Variants in POFUT2 observed in about 807,000 individuals in gnomAD.
POFUT2 encodes GDP-fucose protein O-fucosyltransferase 2.
In POFUT2, 30 loss-of-function variants were observed where a neutral mutation model predicts 55.0. That is an observed-to-expected ratio of 0.55 (90% confidence interval 0.41 to 0.74). The LOEUF (loss-of-function observed/expected upper bound fraction) is 0.74. POFUT2 is among the 30% of genes least tolerant of loss of function. The probability of loss-of-function intolerance (pLI) is 0.00; values close to 1 mark genes in which losing one functional copy is unlikely to be tolerated. For synonymous variants in POFUT2, 267 were observed against 231.1 expected (o/e 1.16, Z -1.41); for missense variants, 524 against 562.6 (o/e 0.93, Z 0.69).
rs573190352 is a variant in POFUT2, at chr21:45,281,242, C to T, written c.638+1107G>A. On this transcript the variant is annotated intron_variant, in intron 4 of 8. Coordinates refer to ENST00000349485, the MANE Select transcript of POFUT2 (RefSeq NM_133635.6). This position sits in a 1 kb window ranked among gnomAD's most constrained non-coding sequence, Gnocchi z 5.0. ...CCCTCTGGGCTCAGCTCCATTCTAA[C>T]CTGTAAATGTGAGTCAAAAAAACTG... Among the ~76,000 whole-genome samples, 1 of 152,342 alleles carries T rather than the reference C, an allele frequency of 6.6e-6. No individual in the cohort carries two copies. Among genetic ancestry groups the T allele is most frequent in the Admixed American group, 6.5e-5 (1 of 15,308 alleles).
rs9984151 is a variant in POFUT2, at chr21:45,284,173, C to T, written c.383-646G>A. ...AGGAACAAAGCGGGAGGGAGCACCG[C>T]GCAGGTGAAATTCTGGGGCAGGAAC... On this transcript the variant is annotated intron_variant, in intron 2 of 8. Transcript: ENST00000349485. This position sits in a 1 kb window ranked among gnomAD's most constrained non-coding sequence, Gnocchi z 5.8. Among the ~76,000 whole-genome samples the T allele has an allele frequency of 2.0e-5, 3 of 151,132 alleles. No individual in the cohort carries two copies. The highest frequency in any genetic ancestry group is 3.0e-5 in the Non-Finnish European group (2 of 67,656).
intron 6 of POFUT2, among the ~76,000 whole-genome samples, chr21:45,272,880 C>T (rs2146586560): frequency 6.6e-6 from 1 of 151,766 alleles, no homozygotes; most frequent in South Asian, 2.1e-4. Flanking sequence ...TTATCAAAAC[C>T]CCTGGGACAC....
chr21:45,271,460 G>A (rs1366820203), intron 6 of POFUT2, among the ~76,000 whole-genome samples: 2 of 152,180 alleles, frequency 1.3e-5, no homozygotes, highest in Non-Finnish European at 2.9e-5. Context: ...TAATCTAAAA[G>A]TTTGGAAAAC....
intron 1 of POFUT2, among the ~76,000 whole-genome samples, chr21:45,287,148 GC>G (rs1187821601): frequency 9.0e-6 from 1 of 111,422 alleles, no homozygotes; most frequent in African/African-American, 3.6e-5. Flanking sequence ...GCCCGACCCT[GC>G]CCCCAGCCCC....
Position 45,277,522 on chromosome 21 carries a change from G to C in POFUT2, c.706-380C>G. On this transcript the variant is annotated intron_variant, in intron 5 of 8. Transcript: ENST00000349485. The surrounding 1 kb of genome is among the most constrained non-coding windows in gnomAD (Gnocchi z 6.9). Reference sequence around the variant, plus strand: ...CACATCCTGCTTTGCCAAACGGGGTGGGACTGACCTGCACAAAGTCCCACG... The same window carrying C: ...CACATCCTGCTTTGCCAAACGGGGTCGGACTGACCTGCACAAAGTCCCACG... The C allele has an allele frequency of 3.5e-6, 1 of 285,610 alleles. No individual in the cohort carries two copies. 17.7% of individuals were successfully genotyped at this position (285,610 alleles called of 1,614,324 possible). A position where few individuals can be genotyped will look rare whatever the true frequency, so the allele number is the denominator to read the frequency against.
At position 45,265,935 on chromosome 21, in the gene POFUT2, C is replaced by A; in HGVS notation, c.1137-300G>T. On this transcript the variant is annotated intron_variant, in intron 8 of 8. Transcript: ENST00000349485. The surrounding 1 kb of genome is among the most constrained non-coding windows in gnomAD (Gnocchi z 4.6). The stretch of plus-strand genomic sequence containing the variant: ...ATGTCCCCCTGGGAGCCCTCCTCTC[C>A]GTCACCAAATCCCAGGCCAGGCACG... The A allele has an allele frequency of 7.8e-7, 1 of 1,274,022 alleles. No homozygotes were observed. Among genetic ancestry groups the A allele is most frequent in the Non-Finnish European group, 1.0e-6 (1 of 996,256 alleles). 78.9% of individuals were successfully genotyped at this position (1,274,022 alleles called of 1,614,324 possible).
rs527964726 is a variant in POFUT2 at position 45,269,436 on chromosome 21, T to C, written c.1012+403A>G. Among the ~76,000 whole-genome samples the C allele has an allele frequency of 1.6e-3, 247 of 152,190 alleles. 1 individual carries two copies. The highest frequency in any genetic ancestry group is 5.3e-3 in the African/African-American group (222 of 41,508). On this transcript the variant is annotated intron_variant, in intron 7 of 8. Coordinates refer to ENST00000349485, the MANE Select transcript of POFUT2 (RefSeq NM_133635.6). ...ACATGGGAGACTTTTCATTTTGTTC[T>C]GCACTAAGAAAAATTCTTCTGCCTT...
At chr21:45,283,090 A>T (rs910611672) in intron 3 of POFUT2, among the ~76,000 whole-genome samples, 21 of 150,992 alleles carry the variant, frequency 1.4e-4, no homozygotes, top group Non-Finnish European at 1.9e-4. Context: ...AAGCGCTACC[A>T]CCACAAGGGC....
At position 45,265,754 on chromosome 21, in the gene POFUT2, A is replaced by C; in HGVS notation, c.1137-119T>G. 6.8e-7 allele frequency: 1 copy of C among 1,467,662 alleles called. No homozygotes were observed. The highest frequency in any genetic ancestry group is 9.0e-7 in the Non-Finnish European group (1 of 1,114,246). 90.9% of individuals were successfully genotyped at this position (1,467,662 alleles called of 1,614,324 possible). A position where few individuals can be genotyped will look rare whatever the true frequency, so the allele number is the denominator to read the frequency against. On this transcript the variant is annotated intron_variant, in intron 8 of 8. Transcript: ENST00000349485. This position sits in a 1 kb window ranked among gnomAD's most constrained non-coding sequence, Gnocchi z 4.6. Reference sequence around the variant, plus strand: ...TGAGTTCCACAGTTACATGGAACCAACACGGCCGTCCCCCGAGCACCCACC... The same window carrying C: ...TGAGTTCCACAGTTACATGGAACCACCACGGCCGTCCCCCGAGCACCCACC...
intron 6 of POFUT2, 40 bp downstream of exon 6, chr21:45,276,977 C>T (rs761119651): frequency 1.9e-6 from 3 of 1,608,564 alleles, no homozygotes; most frequent in Non-Finnish European, 2.6e-6. Context: ...TCCAGAGAGA[C>T]TTTACCTTTT....
In POFUT2 at chr21:45,285,569, G is replaced by T; in HGVS notation, c.382+109C>A. ...GCAGCAGCACTGGGCACTGGAGGAT[G>T]CTGGTGAGGCTGGATGCAATCGTAA... On this transcript the variant is annotated intron_variant, in intron 2 of 8. Coordinates refer to ENST00000349485, the MANE Select transcript of POFUT2 (RefSeq NM_133635.6). The surrounding 1 kb of genome is among the most constrained non-coding windows in gnomAD (Gnocchi z 4.9). 1 of 1,346,706 alleles carries T rather than the reference G, an allele frequency of 7.4e-7. No homozygotes were observed. Among genetic ancestry groups the T allele is most frequent in the Non-Finnish European group, 1.0e-6 (1 of 954,176 alleles). The allele number at this position is 1,346,706 out of a possible 1,614,324, so 83.4% of individuals were successfully genotyped here. A position where few individuals can be genotyped will look rare whatever the true frequency, so the allele number is the denominator to read the frequency against.
At chr21:45,279,431 A>C (rs1381513799) in intron 4 of POFUT2, among the ~76,000 whole-genome samples, 1 of 152,208 alleles carries the variant, frequency 6.6e-6, no homozygotes, top group Non-Finnish European at 1.5e-5. Flanking sequence ...AAAAAAATGT[A>C]ATCTCTACAG....
chr21:45,285,702 T>C lies in POFUT2; in HGVS notation c.358A>G (p.Ile120Val), dbSNP rs141703334. 269 of 1,613,726 alleles carry C rather than the reference T, an allele frequency of 1.7e-4. 1 individual carries two copies. The highest frequency in any genetic ancestry group is 8.1e-5 in the Non-Finnish European group (96 of 1,180,034). The change falls in exon 2 of 9, where the codon ATC (isoleucine) becomes GTC (valine). Residue 120 changes from isoleucine (I) to valine (V), a missense_variant. Around this residue, in one of 2 missense-constraint regions of POFUT2, gnomAD observed 274 missense variants for 244.4 expected, o/e 1.12. Coordinates refer to ENST00000349485, the MANE Select transcript of POFUT2 (RefSeq NM_133635.6). This position sits in a 1 kb window ranked among gnomAD's most constrained non-coding sequence, Gnocchi z 4.9. ...LPSLNKNIPV[I>V]EYEQFIAESG... is the part of the protein sequence containing the mutation. ...CCTGCGATGAACTGCTCATACTCGA[T>C]GACGGGGATGTTTTTATTGAGACTT...
At chr21:45,280,772 T>C (rs966028315) in intron 4 of POFUT2, among the ~76,000 whole-genome samples, 9 of 151,936 alleles carry the variant, frequency 5.9e-5, no homozygotes, top group African/African-American at 1.9e-4. Context: ...GGGTTTCGTC[T>C]CAATTGCACG....
rs532258526 is a variant in POFUT2, at chr21:45,269,650, C to CGGAA, written c.1012+185_1012+188dup. On this transcript the variant is annotated intron_variant, in intron 7 of 8. Transcript: ENST00000349485. ...CAAGTAATCAGGGACACAAACACTGCGGAAGGCCGCAGGGTCCTCTGCCTA... is the reference window on the plus strand; with the variant it reads ...CAAGTAATCAGGGACACAAACACTGCGGAAGGAAGGCCGCAGGGTCCTCTGCCTA... Among the ~76,000 whole-genome samples the CGGAA allele has an allele frequency of 1.4e-4, 22 of 151,924 alleles. No individual in the cohort carries two copies. In the East Asian group the frequency reaches 3.7e-3, roughly 25 times the overall value.
rs1390357502 is a variant in POFUT2, at chr21:45,267,949, A to G, written c.1013-236T>C. Among the ~76,000 whole-genome samples the G allele has an allele frequency of 6.6e-6, 1 of 152,110 alleles. No individual in the cohort carries two copies. Among genetic ancestry groups the G allele is most frequent in the African/African-American group, 2.4e-5 (1 of 41,410 alleles). ...ACCCAGAACAGAACCAGGGATCAAG[A>G]AGAAAGGAAAGAAACGTGCTCCCTC... On this transcript the variant is annotated intron_variant, in intron 7 of 8. Transcript: ENST00000349485. The surrounding 1 kb of genome is among the most constrained non-coding windows in gnomAD (Gnocchi z 4.4).
At position 45,265,451 on chromosome 21, in the gene POFUT2, G is replaced by C. The variant is rs368685176; in HGVS notation, c.*31C>G. ...GAACCTGCATCCACCCGCGCCTGTC[G>C]GGTCCGGGGAGCGGCCCTGGAGGAT... On this transcript the variant is annotated 3_prime_UTR_variant, in exon 9 of 9. Transcript: ENST00000349485. This position sits in a 1 kb window ranked among gnomAD's most constrained non-coding sequence, Gnocchi z 4.6. 6.3e-7 allele frequency: 1 copy of C among 1,576,698 alleles called. No homozygotes were observed. Among genetic ancestry groups the C allele is most frequent in the East Asian group, 2.3e-5 (1 of 44,418 alleles).
rs531564348 is a variant in POFUT2 at position 45,275,778 on chromosome 21, T to C, written c.831+1239A>G. 7.9e-5 allele frequency among the ~76,000 whole-genome samples: 12 copies of C among 152,090 alleles called. No individual in the cohort carries two copies. The South Asian group carries it at 1.0e-3, about 13-fold the overall frequency. ...GGGGTGAGGGATAAAAGACTACACA[T>C]TGGGGACAGTGTACACTGCTCGGGT... On this transcript the variant is annotated intron_variant, in intron 6 of 8. Transcript: ENST00000349485.
chr21:45,268,825 CTCCG>C (rs2093185953), intron 7 of POFUT2, among the ~76,000 whole-genome samples: 1 of 138,448 alleles, frequency 7.2e-6, no homozygotes, highest in Non-Finnish European at 1.6e-5. Context: ...GGGGTCAGCC[CTCCG>C]CCCGGCCAGC....
Sources: allele counts gnomAD v4.1 joint callset (sites outside exome capture counted in the v4.1 genomes callset), GRCh38; gene constraint gnomAD v4.1.1; regional missense constraint gnomAD v4.1.1; non-coding constraint Gnocchi (gnomAD v3.1); transcripts MANE v1.5; gene names NCBI Gene and HGNC (gene_info 2026-07-23, HGNC 2026-07-21).